NALF1: variants seen among roughly 807,000 people sequenced by gnomAD.
The protein encoded by NALF1 is family with sequence similarity 155 member A.
In NALF1, 3 loss-of-function variants were observed where a neutral mutation model predicts 48.4. That is an observed-to-expected ratio of 0.06 (90% CI 0.03 to 0.16). The LOEUF (loss-of-function observed/expected upper bound fraction) is 0.16, where lower values mean the gene tolerates loss of function less well. Among genes scored for constraint, NALF1 ranks in the 10% least tolerant of loss-of-function variants. The pLI, the probability that NALF1 is intolerant of heterozygous loss-of-function variation, is 1.00. For missense variants in NALF1, 526 were observed against 571.5 expected, an observed-to-expected ratio of 0.92 and a Z score of 0.81; for synonymous variants, 262 against 245.7, an observed-to-expected ratio of 1.07 and a Z score of -0.62.
At chr13:107,661,602 T>G (rs1880736638) in intron 1 of NALF1, among the ~76,000 whole-genome samples, 1 of 152,118 alleles carries the variant, frequency 6.6e-6, no homozygotes, top group African/African-American at 2.4e-5. Flanking sequence ...AACCAAGACA[T>G]GCCACATAAC....
At chr13:107,652,513 G>A (rs1880473195) in intron 1 of NALF1, among the ~76,000 whole-genome samples, 1 of 152,028 alleles carries the variant, frequency 6.6e-6, no homozygotes, top group Admixed American at 6.6e-5. Flanking sequence ...TTCATGATTG[G>A]ACATCTTTGA....
chr13:107,780,204 T>G (rs1877847920), intron 1 of NALF1, among the ~76,000 whole-genome samples: 1 of 152,124 alleles, frequency 6.6e-6, no homozygotes, highest in African/African-American at 2.4e-5. Context: ...AATCTTCCCT[T>G]ACACTTATAT....
At chr13:107,617,548 GACC>G (rs1246339163) in intron 1 of NALF1, among the ~76,000 whole-genome samples, 5 of 152,130 alleles carry the variant, frequency 3.3e-5, no homozygotes, top group Non-Finnish European at 7.4e-5. Context: ...AAAAATATCT[GACC>G]ACCACCGCAG....
chr13:107,247,652 C>G (rs1343738221), intron 1 of NALF1, among the ~76,000 whole-genome samples: 1 of 152,140 alleles, frequency 6.6e-6, no homozygotes, highest in African/African-American at 2.4e-5. Context: ...TTAAGGGACA[C>G]ATGGGGATAT....
intron 1 of NALF1, among the ~76,000 whole-genome samples, chr13:107,681,380 C>A (rs1370674053): frequency 5.9e-5 from 9 of 152,094 alleles, no homozygotes; most frequent in Non-Finnish European, 1.3e-4. Context: ...GGTCACTGGT[C>A]TGGTGGAGCT....
chr13:107,740,870 T>C (rs1876612704), intron 1 of NALF1, among the ~76,000 whole-genome samples: 1 of 152,220 alleles, frequency 6.6e-6, no homozygotes, highest in African/African-American at 2.4e-5. Context: ...TTGGAATATG[T>C]ACAAGAGAAG....
chr13:107,563,095 A>G (rs1877693600), intron 1 of NALF1, among the ~76,000 whole-genome samples: 1 of 152,228 alleles, frequency 6.6e-6, no homozygotes, highest in Non-Finnish European at 1.5e-5. Flanking sequence ...ACAACAACAA[A>G]AAACCATTTA....
intron 1 of NALF1, among the ~76,000 whole-genome samples, chr13:107,684,891 C>T (rs544230226): frequency 3.7e-4 from 56 of 152,282 alleles, no homozygotes; most frequent in Non-Finnish European, 5.4e-4. Context: ...CCCAGAAATG[C>T]CTTTGCCACC....
At chr13:107,854,445 G>A (rs1421403851) in intron 1 of NALF1, among the ~76,000 whole-genome samples, 3 of 152,206 alleles carry the variant, frequency 2.0e-5, no homozygotes, top group East Asian at 1.9e-4. Flanking sequence ...CACTACGGCC[G>A]GAGATACCCG....
intron 1 of NALF1, among the ~76,000 whole-genome samples, chr13:107,472,283 C>T (rs1342409382): frequency 6.6e-6 from 1 of 152,134 alleles, no homozygotes; most frequent in Non-Finnish European, 1.5e-5. Flanking sequence ...GAGCTGAGAT[C>T]GTGCCATTGC....
In NALF1 at chr13:107,534,705, A is replaced by G. The variant is rs188099927; in HGVS notation, c.916-323950T>C. Among the ~76,000 whole-genome samples the G allele has an allele frequency of 2.6e-5, 4 of 152,302 alleles. No individual in the cohort carries two copies. The East Asian group carries it at 5.8e-4, about 22-fold the overall frequency. On this transcript the variant is annotated intron_variant, in intron 1 of 2. Coordinates refer to ENST00000375915, the MANE Select transcript of NALF1 (RefSeq NM_001080396.3). ...TCAGGGATCTGGGTTAAGCAAGTAC[A>G]GTGCTGATGCTGACTGTATTTCAGA...
intron 1 of NALF1, among the ~76,000 whole-genome samples, chr13:107,320,643 A>G (rs1245388316): frequency 1.3e-5 from 2 of 152,118 alleles, no homozygotes; most frequent in East Asian, 1.9e-4. Context: ...TGAGTAAAGA[A>G]TGTTGGTTTA....
intron 1 of NALF1, among the ~76,000 whole-genome samples, chr13:107,470,528 TCAA>T (rs900932620): frequency 1.2e-4 from 18 of 152,278 alleles, no homozygotes; most frequent in African/African-American, 4.3e-4. Flanking sequence ...TTAACTGAGG[TCAA>T]CGTTTCACTT....
chr13:107,679,616 C>G (rs1035445984), intron 1 of NALF1, among the ~76,000 whole-genome samples: 1 of 152,178 alleles, frequency 6.6e-6, no homozygotes, highest in Non-Finnish European at 1.5e-5. Context: ...CCTCAGCGCC[C>G]CCCACGGGGT....
intron 1 of NALF1, among the ~76,000 whole-genome samples, chr13:107,775,074 C>G (rs1028811838): frequency 5.9e-5 from 9 of 152,162 alleles, no homozygotes; most frequent in African/African-American, 9.7e-5. Flanking sequence ...TTTAATTATA[C>G]TTTAAGTTTT....
chr13:107,320,768 G>A (rs1026164908), intron 1 of NALF1: 3 of 152,082 alleles, frequency 2.0e-5, no homozygotes, highest in Non-Finnish European at 4.4e-5. Flanking sequence ...AAAAGCATAA[G>A]GTGACCTTAA....
intron 1 of NALF1, among the ~76,000 whole-genome samples, chr13:107,416,814 A>T (rs979803528): frequency 1.3e-5 from 2 of 152,228 alleles, no homozygotes; most frequent in Non-Finnish European, 2.9e-5. Flanking sequence ...CAGTATTTAC[A>T]TATTTACATT....
chr13:107,852,008 C>A (rs1880333024), intron 1 of NALF1, among the ~76,000 whole-genome samples: 1 of 150,972 alleles, frequency 6.6e-6, no homozygotes, highest in Non-Finnish European at 1.5e-5. Flanking sequence ...CATTATGTTG[C>A]CCAAGATGGA....
intron 1 of NALF1, among the ~76,000 whole-genome samples, chr13:107,629,912 T>C (rs113200277): frequency 6.0e-4 from 91 of 152,338 alleles, no homozygotes; most frequent in African/African-American, 1.8e-3. Flanking sequence ...TTACAGCTTC[T>C]GAACTAGTAT....
Sources: allele counts gnomAD v4.1 joint callset (sites outside exome capture counted in the v4.1 genomes callset), GRCh38; gene constraint gnomAD v4.1.1; transcripts MANE v1.5; gene names NCBI Gene and HGNC (gene_info 2026-07-23, HGNC 2026-07-21).